The following ASB3 variants were observed in gnomAD, a reference collection of about 807,000 sequenced individuals.
ASB3 encodes ankyrin repeat and SOCS box protein 3.
ASB3 carries 41 observed loss-of-function variants against 54.5 expected under a neutral mutation model. That is an observed-to-expected ratio of 0.75 (90% CI 0.59 to 0.98). The LOEUF (loss-of-function observed/expected upper bound fraction) is 0.98, where lower values mean the gene tolerates loss of function less well. Among genes scored for constraint, ASB3 ranks in the 50% least tolerant of loss-of-function variants. ASB3 has a pLI of 0.00. For synonymous variants in ASB3, 266 were observed against 221.2 expected (o/e 1.20, Z -1.80); for missense variants, 733 against 620.0 (o/e 1.18, Z -1.94).
intron 2 of ASB3, among the ~76,000 whole-genome samples, chr2:53,752,752 C>G (rs1275274242): frequency 6.6e-6 from 1 of 152,144 alleles, no homozygotes; most frequent in Non-Finnish European, 1.5e-5. Flanking sequence ...ATATATTAAA[C>G]CATGTCTTAA....
intron 5 of ASB3, 115 bp downstream of exon 5, chr2:53,728,597 C>A (rs1378017094): frequency 6.8e-6 from 9 of 1,314,046 alleles, no homozygotes; most frequent in East Asian, 2.5e-5. Context: ...TTACCACTTA[C>A]ATAAAACCAT....
chr2:53,728,231 G>C (rs1394349086), intron 5 of ASB3, among the ~76,000 whole-genome samples: 4 of 151,992 alleles, frequency 2.6e-5, no homozygotes, highest in Non-Finnish European at 4.4e-5. Flanking sequence ...AATGTGGAAG[G>C]GTTGTCACAG....
intron 3 of ASB3, among the ~76,000 whole-genome samples, chr2:53,746,309 G>A (rs1228964178): frequency 9.2e-5 from 14 of 151,902 alleles, no homozygotes; most frequent in African/African-American, 2.9e-4. Flanking sequence ...AATAAAAAAA[G>A]GTAAAGGTGA....
intron 7 of ASB3, among the ~76,000 whole-genome samples, chr2:53,702,689 T>C (rs1213130701): frequency 3.3e-5 from 5 of 152,186 alleles, no homozygotes; most frequent in African/African-American, 1.2e-4. Context: ...TAGACCTTAT[T>C]TTGGGGGTTT....
intron 2 of ASB3, among the ~76,000 whole-genome samples, chr2:53,755,052 C>A (rs1672737973): frequency 1.3e-5 from 2 of 152,334 alleles, no homozygotes; most frequent in South Asian, 4.1e-4. Context: ...GCTTTAATCT[C>A]TCCTTACCCT....
intron 2 of ASB3, among the ~76,000 whole-genome samples, chr2:53,759,998 C>A (rs1478132837): frequency 6.6e-6 from 1 of 152,184 alleles, no homozygotes; most frequent in African/African-American, 2.4e-5. Flanking sequence ...GACAACTGTC[C>A]TCCAGATCTG....
At chr2:53,748,794 T>A (rs1672365177) in intron 3 of ASB3, among the ~76,000 whole-genome samples, 1 of 152,306 alleles carries the variant, frequency 6.6e-6, no homozygotes, top group Middle Eastern at 3.4e-3. Flanking sequence ...TGATCTTGGA[T>A]TCATCACGGA....
intron 3 of ASB3, among the ~76,000 whole-genome samples, chr2:53,744,913 C>G (rs1011711839): frequency 2.9e-4 from 44 of 152,274 alleles, no homozygotes; most frequent in Non-Finnish European, 5.0e-4. Context: ...ATAAAACATT[C>G]TGTTCTTATT....
intron 8 of ASB3, among the ~76,000 whole-genome samples, chr2:53,697,532 A>G (rs991577263): frequency 2.0e-5 from 3 of 152,178 alleles, no homozygotes; most frequent in African/African-American, 7.2e-5. Context: ...CCAGTAACAC[A>G]TAGATTTTGG....
chr2:53,727,826 A>C (rs1401260625), intron 5 of ASB3, among the ~76,000 whole-genome samples: 1 of 152,048 alleles, frequency 6.6e-6, no homozygotes. Flanking sequence ...CCCAGGTTCA[A>C]GCAATTCTCA....
intron 9 of ASB3, among the ~76,000 whole-genome samples, chr2:53,688,883 C>G (rs1403485455): frequency 6.6e-6 from 1 of 151,588 alleles, no homozygotes; most frequent in East Asian, 1.9e-4. Flanking sequence ...TGTATACCTA[C>G]ATAACACACC....
At chr2:53,697,317 C>A (rs900116726) in intron 8 of ASB3, among the ~76,000 whole-genome samples, 4 of 152,192 alleles carry the variant, frequency 2.6e-5, no homozygotes, top group African/African-American at 9.7e-5. Flanking sequence ...AATAATTCAC[C>A]CCTTGTTTAG....
intron 2 of ASB3, among the ~76,000 whole-genome samples, chr2:53,763,847 C>T (rs1265157633): frequency 1.3e-5 from 2 of 152,140 alleles, no homozygotes; most frequent in Non-Finnish European, 2.9e-5. Flanking sequence ...ATTCTGAAAA[C>T]ATATCTTAAG....
intron 7 of ASB3, among the ~76,000 whole-genome samples, chr2:53,711,443 G>C (rs567813051): frequency 6.6e-6 from 1 of 152,286 alleles, no homozygotes; most frequent in Admixed American, 6.5e-5. Context: ...GGTGCCACTG[G>C]TGCTACTCAG....
At chr2:53,693,805 T>A (rs1408326623) in intron 9 of ASB3, 79 bp downstream of exon 9, 8 of 1,536,698 alleles carry the variant, frequency 5.2e-6, no homozygotes, top group East Asian at 2.3e-5. Context: ...ATGAATCTTA[T>A]CACTTAAAAT....
intron 3 of ASB3, among the ~76,000 whole-genome samples, chr2:53,737,998 A>C (rs528787959): frequency 1.0e-3 from 158 of 152,358 alleles, no homozygotes; most frequent in Non-Finnish European, 1.9e-3. Flanking sequence ...ATAACAACAC[A>C]GTAATTAGGA....
chr2:53,689,438 T>C (rs1223212684), intron 9 of ASB3, among the ~76,000 whole-genome samples: 1 of 152,226 alleles, frequency 6.6e-6, no homozygotes, highest in African/African-American at 2.4e-5. Flanking sequence ...AAATATTCTT[T>C]TAAAAACTAA....
rs761420380 is a variant in ASB3, at chr2:53,750,886, A to C, written c.252T>G (p.His84Gln). The change falls in exon 3 of 10, where the codon CAT (histidine) becomes CAG (glutamine). Residue 84 changes from histidine (H) to glutamine (Q), a missense_variant. By Grantham distance (24) the His-to-Gln change is conservative. Transcript: ENST00000263634. ...TCCAATGTCCTTGACTTGCAGCGAGATGCAAAGCACAGAAACCTTCAAAGG... is the reference window on the plus strand; with the variant it reads ...TCCAATGTCCTTGACTTGCAGCGAGCTGCAAAGCACAGAAACCTTCAAAGG... ...MKTFEGFCAL[H>Q]LAASQGHWKI... 6 of 1,602,216 alleles carry C rather than the reference A, an allele frequency of 3.7e-6. No homozygotes were observed. The Admixed American group carries it at 1.0e-4, about 27-fold the overall frequency.
intron 2 of ASB3, among the ~76,000 whole-genome samples, chr2:53,764,156 T>C (rs3770390): frequency 0.061 from 9,341 of 152,230 alleles, 493 homozygotes; most frequent in East Asian, 0.28. Context: ...CAGAAGTTTA[T>C]ATTTTAAGGA....
Sources: gnomAD v4.1 joint callset for allele counts (sites outside exome capture counted in the v4.1 genomes callset) on GRCh38, gnomAD v4.1.1 for gene constraint, MANE v1.5 for transcripts, NCBI Gene and HGNC (gene_info 2026-07-23, HGNC 2026-07-21) for gene names.